The following DOP1B variants were observed in gnomAD, a reference collection of about 807,000 sequenced individuals.
DOP1B encodes protein DOP1B.
A neutral mutation model predicts 233.5 loss-of-function variants in DOP1B; 174 were observed. That is an observed-to-expected ratio of 0.75 (90% CI 0.66 to 0.85). The LOEUF (loss-of-function observed/expected upper bound fraction) is 0.85, where lower values mean the gene tolerates loss of function less well. Ranked by LOEUF, DOP1B falls within the 40% of genes least tolerant of loss-of-function variation. The pLI, the probability that DOP1B is intolerant of heterozygous loss-of-function variation, is 0.00. For missense variants in DOP1B, 2,652 were observed against 2,846.6 expected (o/e 0.93, Z 1.56); for synonymous variants, 1,190 against 1,185.6 (o/e 1.00, Z -0.08).
intron 29 of DOP1B, 55 bp downstream of exon 29, chr21:36,278,139 C>T: frequency 6.2e-7 from 1 of 1,613,126 alleles, no homozygotes; most frequent in South Asian, 1.1e-5. Context: ...TATGTTTTCA[C>T]AAATGAATCA....
At chr21:36,189,297 G>A (rs1274407842) in intron 2 of DOP1B, among the ~76,000 whole-genome samples, 1 of 152,120 alleles carries the variant, frequency 6.6e-6, no homozygotes, top group Non-Finnish European at 1.5e-5. Flanking sequence ...TGCATATAAT[G>A]AGGTCAAAAA....
intron 13 of DOP1B, among the ~76,000 whole-genome samples, chr21:36,230,016 T>C (rs1181657057): frequency 1.3e-5 from 2 of 151,586 alleles, no homozygotes; most frequent in African/African-American, 4.9e-5. Flanking sequence ...TCCTCATTCA[T>C]ATTTGTTAAT....
At chr21:36,176,107 T>TGTGTGTGTGTGC (rs1280891911) in intron 2 of DOP1B, among the ~76,000 whole-genome samples, 6 of 151,926 alleles carry the variant, frequency 3.9e-5, no homozygotes, top group East Asian at 3.9e-4. Context: ...CGTGTGTGTG[T>TGTGTGTGTGTGC]GTGTGTGTGT....
intron 5 of DOP1B, among the ~76,000 whole-genome samples, chr21:36,211,308 G>A (rs1432891323): frequency 6.6e-6 from 1 of 152,094 alleles, no homozygotes; most frequent in Non-Finnish European, 1.5e-5. Flanking sequence ...CATAGAACCC[G>A]GCCATCTGGT....
intron 9 of DOP1B, among the ~76,000 whole-genome samples, chr21:36,217,739 A>T (rs550932820): frequency 8.5e-5 from 13 of 152,258 alleles, no homozygotes. Context: ...AACCAAATAG[A>T]TTTTCCTGCT....
chr21:36,281,602 C>T lies in DOP1B; in HGVS notation c.6151C>T (p.Leu2051=). Residue 2051 remains leucine (L), a synonymous_variant, in exon 32 of 37, where the codon CTG becomes TTG. Transcript: ENST00000691173. ...TGATCAATACCACCTTTACCTTCCA[C>T]TGATACAAGGTAAGACAGCTGTCTT... ...ELDQYHLYLP[L]IQERLTDNLR... The T allele has an allele frequency of 6.3e-7, 1 of 1,593,288 alleles. No individual in the cohort carries two copies. Among genetic ancestry groups the T allele is most frequent in the Non-Finnish European group, 8.6e-7 (1 of 1,163,214 alleles).
intron 2 of DOP1B, among the ~76,000 whole-genome samples, chr21:36,180,265 A>G (rs566561263): frequency 6.6e-6 from 1 of 152,324 alleles, no homozygotes; most frequent in East Asian, 1.9e-4. Context: ...AGTTTCCATC[A>G]TTCATTAAAA....
chr21:36,165,883 A>AT (rs2065906293), intron 2 of DOP1B, among the ~76,000 whole-genome samples: 1 of 149,894 alleles, frequency 6.7e-6, no homozygotes, highest in East Asian at 2.0e-4. Flanking sequence ...CACCTGGCTA[A>AT]TTTTTGTATT....
Position 36,211,589 on chromosome 21 carries a change from G to A in DOP1B, c.718G>A (p.Val240Ile). ...GCGTGCCTCCCTGTTGGACTCAAAT[G>A]TTCTTGTGCAAAGAAATAATCTGGA... ...SLRASLLDSN[V>I]LVQRNNLEIV... The change falls in exon 6 of 37, where the codon GTT (valine) becomes ATT (isoleucine). Residue 240 changes from valine to isoleucine, a missense_variant. This residue lies in a region of DOP1B where 2,617 missense variants were observed against 2,794.3 expected (regional missense o/e 0.94). Transcript: ENST00000691173. 1 of 1,614,208 alleles carries A rather than the reference G, an allele frequency of 6.2e-7. No homozygotes were observed. Among genetic ancestry groups the A allele is most frequent in the Non-Finnish European group, 8.5e-7 (1 of 1,180,030 alleles).
chr21:36,217,141 G>A (rs2066569204), intron 9 of DOP1B, among the ~76,000 whole-genome samples: 2 of 151,936 alleles, frequency 1.3e-5, no homozygotes, highest in Non-Finnish European at 2.9e-5. Context: ...GCCTTGGGAT[G>A]GAGGCCCTTC....
intron 9 of DOP1B, among the ~76,000 whole-genome samples, chr21:36,218,123 C>T (rs371557150): frequency 3.3e-5 from 5 of 152,246 alleles, no homozygotes; most frequent in South Asian, 2.1e-4. Flanking sequence ...CCAGTCCATA[C>T]TTTTTGTGGC....
chr21:36,217,420 G>T (rs1205203541), intron 9 of DOP1B, among the ~76,000 whole-genome samples: 2 of 152,142 alleles, frequency 1.3e-5, no homozygotes, highest in Non-Finnish European at 2.9e-5. Flanking sequence ...CTCCCACTAT[G>T]CCTGTTTTAC....
Position 36,267,728 on chromosome 21 carries a change from G to A in DOP1B, c.5488-2285G>A, listed in dbSNP as rs138374751. On this transcript the variant is annotated intron_variant, in intron 26 of 36. Coordinates refer to ENST00000691173, the MANE Select transcript of DOP1B (RefSeq NM_001320714.2). ...TTTCTATTTTCCGTAAGTGTCGGCC[G>A]GCTGAGAAATAAAGGGACACAGTAT... Among the ~76,000 whole-genome samples the A allele has an allele frequency of 4.1e-3, 613 of 150,178 alleles. 4 individuals carry two copies. Among genetic ancestry groups the A allele is most frequent in the African/African-American group, 0.014 (581 of 40,540 alleles).
chr21:36,216,969 G>A (rs1383243302), intron 9 of DOP1B, among the ~76,000 whole-genome samples: 2 of 152,044 alleles, frequency 1.3e-5, no homozygotes, highest in East Asian at 3.9e-4. Flanking sequence ...CAACTACTTG[G>A]GAGGCTGAGG....
chr21:36,246,786 T>C lies in DOP1B; in HGVS notation c.4697+109T>C. ...CGGTTGGAGGATAATTTCATCCCAA[T>C]GAGAAGCCTGTTTAGCATTATCAAG... On this transcript the variant is annotated intron_variant, in intron 19 of 36. Coordinates refer to ENST00000691173, the MANE Select transcript of DOP1B (RefSeq NM_001320714.2). This position sits in a 1 kb window ranked among gnomAD's most constrained non-coding sequence, Gnocchi z 5.1. The C allele has an allele frequency of 1.5e-6, 2 of 1,338,378 alleles. No homozygotes were observed. The highest frequency in any genetic ancestry group is 2.8e-5 in the South Asian group (2 of 70,252). The allele number at this position is 1,338,378 out of a possible 1,614,324, so 82.9% of individuals were successfully genotyped here. A position where few individuals can be genotyped will look rare whatever the true frequency, so the allele number is the denominator to read the frequency against.
At chr21:36,273,533 G>T (rs2067314922) in intron 27 of DOP1B, among the ~76,000 whole-genome samples, 1 of 152,180 alleles carries the variant, frequency 6.6e-6, no homozygotes, top group South Asian at 2.1e-4. Flanking sequence ...GTGGGGCAGG[G>T]CCACTGTGAG....
At chr21:36,180,148 C>A (rs8130160) in intron 2 of DOP1B, among the ~76,000 whole-genome samples, 32,194 of 149,488 alleles carry the variant, frequency 0.22, 3,451 homozygotes, top group African/African-American at 0.27. Flanking sequence ...TAAAAAAAAA[C>A]TAGAGGGGGT....
At chr21:36,189,917 G>C (rs2066211700) in intron 2 of DOP1B, among the ~76,000 whole-genome samples, 1 of 150,386 alleles carries the variant, frequency 6.6e-6, no homozygotes, top group African/African-American at 2.5e-5. Flanking sequence ...GACTGAGGCA[G>C]GAGAATCGCT....
chr21:36,277,923 T>C, intron 28 of DOP1B, 52 bp from the exon 29 acceptor site: 3 of 1,445,634 alleles, frequency 2.1e-6, no homozygotes, highest in Non-Finnish European at 2.9e-6. Flanking sequence ...ATTACAGGTG[T>C]GAGCCGTCGC....
Sources: gnomAD v4.1 joint callset for allele counts (sites outside exome capture counted in the v4.1 genomes callset) on GRCh38, gnomAD v4.1.1 for gene constraint, gnomAD v4.1.1 regional missense constraint, Gnocchi (gnomAD v3.1) non-coding constraint, MANE v1.5 for transcripts, NCBI Gene and HGNC (gene_info 2026-07-23, HGNC 2026-07-21) for gene names.